BMP6: variants seen among roughly 807,000 people sequenced by gnomAD.
BMP6 encodes the protein VG-1-R.
A neutral mutation model predicts 54.1 loss-of-function variants in BMP6; 17 were observed. The ratio of observed to expected loss-of-function variants is 0.31; its 90% CI spans 0.22 to 0.47. BMP6 has a LOEUF of 0.47. Among genes scored for constraint, BMP6 ranks in the 20% least tolerant of loss-of-function variants. BMP6 has a pLI of 1.00. For synonymous variants in BMP6, 328 were observed against 291.2 expected, an observed-to-expected ratio of 1.13 and a Z score of -1.28; for missense variants, 720 against 690.4, an observed-to-expected ratio of 1.04 and a Z score of -0.48.
chr6:7,762,032 C>T (rs1192559334), intron 1 of BMP6, among the ~76,000 whole-genome samples: 1 of 152,182 alleles, frequency 6.6e-6, no homozygotes, highest in Non-Finnish European at 1.5e-5. Flanking sequence ...AGCAATTCTC[C>T]TGCCTCAGCC....
At chr6:7,804,282 A>T (rs1758313951) in intron 1 of BMP6, among the ~76,000 whole-genome samples, 1 of 131,688 alleles carries the variant, frequency 7.6e-6, no homozygotes, top group Admixed American at 8.2e-5. Context: ...AGGTTAAAGT[A>T]ACTTTTTTTT....
intron 1 of BMP6, among the ~76,000 whole-genome samples, chr6:7,803,431 A>G (rs1758301719): frequency 6.6e-6 from 1 of 152,200 alleles, no homozygotes; most frequent in East Asian, 1.9e-4. Context: ...CTCAAATCTT[A>G]GGGGATTCCC....
chr6:7,810,813 C>A (rs564601586), intron 1 of BMP6, among the ~76,000 whole-genome samples: 5 of 152,198 alleles, frequency 3.3e-5, no homozygotes, highest in Non-Finnish European at 7.3e-5. Context: ...TCTTATCTTG[C>A]TTCTCTGCTA....
At chr6:7,864,441 A>T (rs1759385880) in intron 4 of BMP6, among the ~76,000 whole-genome samples, 1 of 152,230 alleles carries the variant, frequency 6.6e-6, no homozygotes, top group South Asian at 2.1e-4. Context: ...ATGCCATTGT[A>T]GGAAGTAGGT....
intron 2 of BMP6, among the ~76,000 whole-genome samples, chr6:7,847,534 A>G (rs1339403005): frequency 6.6e-6 from 1 of 152,160 alleles, no homozygotes; most frequent in Non-Finnish European, 1.5e-5. Context: ...TATTTGTCTA[A>G]TCTGTGTTTA....
intron 2 of BMP6, among the ~76,000 whole-genome samples, chr6:7,857,726 T>C (rs114454970): frequency 0.024 from 3,723 of 152,352 alleles, 156 homozygotes; most frequent in African/African-American, 0.085. Flanking sequence ...AGGAAGGCCA[T>C]GTATCCCTGA....
intron 1 of BMP6, among the ~76,000 whole-genome samples, chr6:7,769,907 T>C (rs1436950821): frequency 1.3e-5 from 2 of 152,210 alleles, no homozygotes; most frequent in Non-Finnish European, 2.9e-5. Context: ...GTGACTTGTG[T>C]AAACAGATTT....
chr6:7,728,854 A>G (rs775129506), intron 1 of BMP6, among the ~76,000 whole-genome samples: 4 of 152,202 alleles, frequency 2.6e-5, no homozygotes, highest in Non-Finnish European at 5.9e-5. Flanking sequence ...TAACGGCATT[A>G]CTTACTGGAA....
intron 1 of BMP6, among the ~76,000 whole-genome samples, chr6:7,839,457 C>G (rs549868177): frequency 6.6e-6 from 1 of 152,364 alleles, no homozygotes; most frequent in South Asian, 2.1e-4. Context: ...CTTACTAAAC[C>G]TGAACTTCCC....
Position 7,881,397 on chromosome 6 carries a change from T to C in BMP6, c.*1054T>C, listed in dbSNP as rs1459904439. 1.3e-5 allele frequency: 2 copies of C among 152,660 alleles called. No individual in the cohort carries two copies. Among genetic ancestry groups the C allele is most frequent in the South Asian group, 2.1e-4 (1 of 4,834 alleles). The allele number at this position is 152,660 out of a possible 1,614,324, so 9.5% of individuals were successfully genotyped here. A position where few individuals can be genotyped will look rare whatever the true frequency, so the allele number is the denominator to read the frequency against. Reference sequence around the variant, plus strand: ...GGAAGGCAATTTCATACTAAACTGATTAAATAATACATTTATAATCTACAA... The same window carrying C: ...GGAAGGCAATTTCATACTAAACTGACTAAATAATACATTTATAATCTACAA... On this transcript the variant is annotated 3_prime_UTR_variant, in exon 7 of 7. Coordinates refer to ENST00000283147, the MANE Select transcript of BMP6 (RefSeq NM_001718.6).
intron 1 of BMP6, among the ~76,000 whole-genome samples, chr6:7,822,809 G>A (rs560194264): frequency 1.3e-5 from 2 of 152,220 alleles, no homozygotes; most frequent in South Asian, 4.1e-4. Context: ...GCAATTCAGA[G>A]TGTTTTGGAT....
At chr6:7,822,795 G>C (rs933366706) in intron 1 of BMP6, among the ~76,000 whole-genome samples, 1 of 152,106 alleles carries the variant, frequency 6.6e-6, no homozygotes, top group African/African-American at 2.4e-5. Context: ...AGGCACCAGC[G>C]TCAGCAATTC....
At chr6:7,728,269 G>A (rs745974780) in intron 1 of BMP6, among the ~76,000 whole-genome samples, 40 of 152,256 alleles carry the variant, frequency 2.6e-4, no homozygotes, top group Admixed American at 6.5e-4. Context: ...CTCAACTGGG[G>A]TAATCCATCC....
At chr6:7,793,204 A>G (rs1295661795) in intron 1 of BMP6, among the ~76,000 whole-genome samples, 2 of 152,112 alleles carry the variant, frequency 1.3e-5, no homozygotes, top group Non-Finnish European at 2.9e-5. Flanking sequence ...ACTAAAAAGA[A>G]ATGAGCTTTC....
rs542042093 is a variant in BMP6, at chr6:7,860,022, G to T, written c.858-1429G>T. 2.6e-5 allele frequency among the ~76,000 whole-genome samples: 4 copies of T among 152,272 alleles called. 1 individual carries two copies. The highest frequency in any genetic ancestry group is 9.6e-5 in the African/African-American group (4 of 41,554). ...GATGAAGTTCATTCATTCATCACAG[G>T]TCGTCTTTGGTAATCATCTCAATGA... On this transcript the variant is annotated intron_variant, in intron 2 of 6. Transcript: ENST00000283147.
intron 4 of BMP6, among the ~76,000 whole-genome samples, chr6:7,863,159 T>A (rs550831517): frequency 2.6e-5 from 4 of 152,158 alleles, no homozygotes; most frequent in South Asian, 4.1e-4. Context: ...CCACCACGCC[T>A]GGCTAATTTT....
intron 1 of BMP6, among the ~76,000 whole-genome samples, chr6:7,793,294 T>A (rs1270465578): frequency 6.6e-6 from 1 of 152,130 alleles, no homozygotes; most frequent in Non-Finnish European, 1.5e-5. Context: ...TACTATATAG[T>A]TCCAACTGTA....
chr6:7,823,998 T>G (rs939616278), intron 1 of BMP6, among the ~76,000 whole-genome samples: 1 of 152,112 alleles, frequency 6.6e-6, no homozygotes, highest in Non-Finnish European at 1.5e-5. Flanking sequence ...GTGTAGAGAA[T>G]AGGCTGGAGG....
At chr6:7,861,250 T>C (rs1043498833) in intron 2 of BMP6, among the ~76,000 whole-genome samples, 1 of 152,210 alleles carries the variant, frequency 6.6e-6, no homozygotes, top group African/African-American at 2.4e-5. Context: ...TTATCAGATG[T>C]GCCTGTCTCT....
Sources: gnomAD v4.1 joint callset for allele counts (sites outside exome capture counted in the v4.1 genomes callset) on GRCh38, gnomAD v4.1.1 for gene constraint, MANE v1.5 for transcripts, NCBI Gene and HGNC (gene_info 2026-07-23, HGNC 2026-07-21) for gene names.